The following ACSF3 variants were observed in gnomAD, a reference collection of about 807,000 sequenced individuals.
ACSF3 encodes malonate--CoA ligase ACSF3, mitochondrial.
ACSF3 carries 78 observed loss-of-function variants against 53.2 expected under a neutral mutation model. The observed-to-expected ratio is 1.47, with a 90% CI of 1.22 to 1.77. The LOEUF (loss-of-function observed/expected upper bound fraction) is 1.77, where lower values mean the gene tolerates loss of function less well. Ranked by LOEUF, ACSF3 falls within the 40% of genes most tolerant of loss-of-function variation. ACSF3 has a pLI of 0.00. For synonymous variants in ACSF3, 414 were observed against 333.1 expected (o/e 1.24, Z -2.65); for missense variants, 937 against 771.1 (o/e 1.22, Z -2.55).
intron 4 of ACSF3, among the ~76,000 whole-genome samples, chr16:89,108,691 C>A (rs182553480): frequency 6.6e-6 from 1 of 152,318 alleles, no homozygotes; most frequent in Admixed American, 6.5e-5. Flanking sequence ...TTCTGAGTTT[C>A]ATCCATGTTC....
intron 6 of ACSF3, among the ~76,000 whole-genome samples, chr16:89,117,743 A>T (rs956087583): frequency 4.6e-5 from 7 of 152,080 alleles, no homozygotes; most frequent in African/African-American, 1.4e-4. Context: ...CCACGCTGGA[A>T]TCAGAACTCC....
intron 10 of ACSF3, chr16:89,152,713 A>C (rs960059828): frequency 3.3e-5 from 5 of 152,182 alleles, no homozygotes; most frequent in Non-Finnish European, 7.3e-5. Context: ...ACAACTATAA[A>C]ATATATACGT....
chr16:89,115,947 A>G (rs933163175), intron 6 of ACSF3, among the ~76,000 whole-genome samples: 1 of 152,206 alleles, frequency 6.6e-6, no homozygotes, highest in Non-Finnish European at 1.5e-5. Flanking sequence ...TTGTCTTCCC[A>G]TTCACCTAAC....
intron 4 of ACSF3, among the ~76,000 whole-genome samples, chr16:89,104,181 G>A (rs1445322649): frequency 6.6e-6 from 1 of 152,238 alleles, no homozygotes; most frequent in Non-Finnish European, 1.5e-5. Flanking sequence ...TGAGGCCATG[G>A]ACGTTTACCA....
At chr16:89,100,627 T>G (rs1975159502) in intron 2 of ACSF3, 35 bp from the exon 3 acceptor site, 1 of 1,192,364 alleles carries the variant, frequency 8.4e-7, no homozygotes, top group Non-Finnish European at 1.2e-6. Flanking sequence ...ATGGGACAGT[T>G]GGGCACTCAC....
chr16:89,098,545 C>T (rs1419429411), intron 1 of ACSF3, 46 bp from the exon 2 acceptor site: 2 of 418,034 alleles, frequency 4.8e-6, no homozygotes, highest in South Asian at 1.7e-5. Context: ...CTGTGGGAAG[C>T]GTTATACACA....
intron 6 of ACSF3, among the ~76,000 whole-genome samples, chr16:89,118,519 C>T (rs1274867998): frequency 6.6e-6 from 1 of 152,014 alleles, no homozygotes; most frequent in East Asian, 1.9e-4. Context: ...AGGCTCTGAG[C>T]TCATGCTTGG....
At chr16:89,151,615 T>C (rs1462205687) in intron 10 of ACSF3, 2 of 185,052 alleles carry the variant, frequency 1.1e-5, no homozygotes, top group East Asian at 3.1e-4. Flanking sequence ...CCATATATTT[T>C]TTTTTTTTTT....
chr16:89,094,430 G>A (rs1363924096), intron 1 of ACSF3, among the ~76,000 whole-genome samples: 1 of 152,232 alleles, frequency 6.6e-6, no homozygotes, highest in Non-Finnish European at 1.5e-5. Flanking sequence ...GTTCACAGCC[G>A]GCCTAGCCCC....
chr16:89,097,555 C>T (rs1201251515), intron 1 of ACSF3, among the ~76,000 whole-genome samples: 1 of 152,224 alleles, frequency 6.6e-6, no homozygotes, highest in Non-Finnish European at 1.5e-5. Flanking sequence ...GCCCTCACAC[C>T]TGTAAAGCAG....
At chr16:89,118,162 C>CCACAG (rs1905657028) in intron 6 of ACSF3, among the ~76,000 whole-genome samples, 5 of 139,838 alleles carry the variant, frequency 3.6e-5, no homozygotes, top group African/African-American at 8.0e-5. Flanking sequence ...AAGGCAGAGC[C>CCACAG]TGACGGCAGG....
chr16:89,141,964 C>T (rs1264443073), intron 8 of ACSF3, among the ~76,000 whole-genome samples: 3 of 152,210 alleles, frequency 2.0e-5, no homozygotes, highest in East Asian at 1.9e-4. Flanking sequence ...TGATTGGCTT[C>T]GCCCAGTGCT....
intron 8 of ACSF3, among the ~76,000 whole-genome samples, chr16:89,139,111 C>G (rs943890046): frequency 2.6e-5 from 4 of 152,224 alleles, no homozygotes; most frequent in African/African-American, 9.6e-5. Context: ...ATGGCATCTG[C>G]ACTATTGAGA....
chr16:89,119,988 A>T (rs1339938366), intron 6 of ACSF3, among the ~76,000 whole-genome samples: 3 of 152,250 alleles, frequency 2.0e-5, no homozygotes, highest in African/African-American at 7.2e-5. Context: ...ATAGACAGGA[A>T]GTCCCACGTC....
At chr16:89,111,971 AGG>A in intron 4 of ACSF3, 119 bp from the exon 5 acceptor site, 1 of 442,380 alleles carries the variant, frequency 2.3e-6, no homozygotes, top group South Asian at 2.7e-5. Flanking sequence ...CCCTTTTAGA[AGG>A]GAGGCGCTGC....
intron 8 of ACSF3, among the ~76,000 whole-genome samples, chr16:89,137,981 C>T (rs1265236483): frequency 2.6e-5 from 4 of 152,204 alleles, no homozygotes; most frequent in South Asian, 4.1e-4. Context: ...GGGTCTCAGC[C>T]GTTGGGTTCT....
At chr16:89,133,605 C>T (rs1167524085) in intron 8 of ACSF3, among the ~76,000 whole-genome samples, 2 of 152,188 alleles carry the variant, frequency 1.3e-5, no homozygotes, top group Non-Finnish European at 2.9e-5. Flanking sequence ...TCCTGGTGGC[C>T]CTGCTGCCCC....
intron 6 of ACSF3, among the ~76,000 whole-genome samples, chr16:89,117,738 C>G (rs573401878): frequency 5.9e-5 from 9 of 152,246 alleles, no homozygotes; most frequent in Admixed American, 3.3e-4. Flanking sequence ...CTTCCCCACG[C>G]TGGAATCAGA....
At position 89,154,323 on chromosome 16, in the gene ACSF3, G is replaced by T. The variant is rs529517844; in HGVS notation, c.*116G>T. ...CCTTAAACCTGAACCCCCCAAATCA[G>T]GTCACGTAGAATCAAGAACTGTTTG... On this transcript the variant is annotated 3_prime_UTR_variant, in exon 11 of 11. Coordinates refer to ENST00000614302, the MANE Select transcript of ACSF3 (RefSeq NM_001243279.3). 2 of 955,280 alleles carry T rather than the reference G, an allele frequency of 2.1e-6. No homozygotes were observed. The highest frequency in any genetic ancestry group is 5.1e-5 in the East Asian group (2 of 38,902). The allele number at this position is 955,280 out of a possible 1,614,324, so 59.2% of individuals were successfully genotyped here.
Sources: gnomAD v4.1 joint callset for allele counts (sites outside exome capture counted in the v4.1 genomes callset) on GRCh38, gnomAD v4.1.1 for gene constraint, MANE v1.5 for transcripts, NCBI Gene and HGNC (gene_info 2026-07-23, HGNC 2026-07-21) for gene names.